The following GLRA2 variants were observed in gnomAD, a reference collection of about 807,000 sequenced individuals.
GLRA2 encodes the protein glycine receptor alpha 2.
In GLRA2, 11 loss-of-function variants were observed where a neutral mutation model predicts 31.6. The observed-to-expected ratio is 0.35, with a 90% CI of 0.22 to 0.58. GLRA2 has a LOEUF of 0.58. Ranked by LOEUF, GLRA2 falls within the 20% of genes least tolerant of loss-of-function variation. The pLI is 0.84. For synonymous variants in GLRA2, 132 were observed against 134.0 expected, an observed-to-expected ratio of 0.99 and a Z score of 0.10; for missense variants, 212 against 351.8, an observed-to-expected ratio of 0.60 and a Z score of 3.18.
At chrX:14,608,202 A>G (rs1309574021) in intron 6 of GLRA2, among the ~76,000 whole-genome samples, 2 of 111,604 alleles carry the variant, frequency 1.8e-5, no homozygotes, top group Non-Finnish European at 3.8e-5. Flanking sequence ...TACCTTCTGG[A>G]GTTCTAACTC....
the GLRA2 span, among the ~76,000 whole-genome samples, chrX:14,478,327 G>A: frequency 3.6e-5 from 4 of 111,629 alleles, no homozygotes; most frequent in Admixed American, 9.5e-5. Context: ...CAAAGGAGTC[G>A]TAAGTAGAAG....
At chrX:14,609,422 T>C (rs2090374522) in intron 7 of GLRA2, among the ~76,000 whole-genome samples, 1 of 110,646 alleles carries the variant, frequency 9.0e-6, no homozygotes, top group Non-Finnish European at 1.9e-5. Flanking sequence ...AAATTAGTAT[T>C]GAGAGGGAAG....
At chrX:14,467,116 A>G in the GLRA2 span, among the ~76,000 whole-genome samples, 1 of 112,540 alleles carries the variant, frequency 8.9e-6, no homozygotes, top group East Asian at 2.8e-4. Flanking sequence ...GTTCCCTTTG[A>G]AACATTTCAG....
At chrX:14,699,564 C>G (rs773759627) in intron 8 of GLRA2, among the ~76,000 whole-genome samples, 1 of 112,127 alleles carries the variant, frequency 8.9e-6, no homozygotes, top group African/African-American at 3.2e-5. Context: ...TCATATGAAA[C>G]ACTTATTTCT....
chrX:14,487,387 T>TAAAAA, the GLRA2 span, among the ~76,000 whole-genome samples: 8 of 27,924 alleles, frequency 2.9e-4, no homozygotes, highest in African/African-American at 1.0e-3. Flanking sequence ...TGGTTTTCTG[T>TAAAAA]AAAAAAAAAA....
the GLRA2 span, among the ~76,000 whole-genome samples, chrX:14,469,461 A>G: frequency 9.2e-6 from 1 of 108,543 alleles, no homozygotes. Flanking sequence ...TCCAACAATG[A>G]TAGACTGGAT....
chrX:14,451,644 CAAA>C, the GLRA2 span, among the ~76,000 whole-genome samples: 6 of 40,006 alleles, frequency 1.5e-4, no homozygotes, highest in Admixed American at 3.6e-4. Flanking sequence ...ACTCTGTCTC[CAAA>C]AAAAAAAAAA....
chrX:14,681,319 A>G (rs911513896), intron 7 of GLRA2, among the ~76,000 whole-genome samples: 1 of 111,959 alleles, frequency 8.9e-6, no homozygotes, highest in Admixed American at 9.5e-5. Context: ...AAAGATGCAA[A>G]AATAGCTAGA....
chrX:14,531,230 T>A (rs1036789559), intron 1 of GLRA2: 1 of 695,996 alleles, frequency 1.4e-6, no homozygotes, highest in Non-Finnish European at 2.0e-6. Flanking sequence ...AAAATATTTA[T>A]ATCATCTTTG....
chrX:14,551,606 C>T (rs1162155294), intron 2 of GLRA2, among the ~76,000 whole-genome samples: 7 of 111,527 alleles, frequency 6.3e-5, no homozygotes, highest in African/African-American at 2.3e-4. Flanking sequence ...CTTTTTTTTA[C>T]ATCTTTGAGT....
intron 2 of GLRA2, among the ~76,000 whole-genome samples, chrX:14,540,873 G>T (rs2089392446): frequency 9.2e-6 from 1 of 108,477 alleles, no homozygotes; most frequent in Middle Eastern, 4.3e-3. Context: ...ACTGGGGAGG[G>T]TGCAAGGTGG....
intron 8 of GLRA2, among the ~76,000 whole-genome samples, chrX:14,725,132 G>C (rs2091915175): frequency 8.9e-6 from 1 of 111,850 alleles, no homozygotes; most frequent in African/African-American, 3.3e-5. Flanking sequence ...AGAAATATGT[G>C]ACTTGAAAGA....
chrX:14,501,491 G>A, the GLRA2 span, among the ~76,000 whole-genome samples: 6 of 111,307 alleles, frequency 5.4e-5, no homozygotes, highest in Non-Finnish European at 7.5e-5. Context: ...TTGTACTTCT[G>A]TGATTTGGCA....
chrX:14,520,868 C>T, the GLRA2 span, among the ~76,000 whole-genome samples: 1 of 112,845 alleles, frequency 8.9e-6, no homozygotes, highest in African/African-American at 3.2e-5. Flanking sequence ...TTCATCAGTA[C>T]CAATGCTTGT....
At chrX:14,685,649 G>T (rs1326039850) in intron 7 of GLRA2, among the ~76,000 whole-genome samples, 4 of 111,546 alleles carry the variant, frequency 3.6e-5, no homozygotes, top group African/African-American at 1.3e-4. Flanking sequence ...ATTTCTGTGG[G>T]ATCGGTGGTG....
At chrX:14,505,758 A>G in the GLRA2 span, among the ~76,000 whole-genome samples, 1 of 111,781 alleles carries the variant, frequency 8.9e-6, no homozygotes, top group African/African-American at 3.3e-5. Flanking sequence ...CCCAGAAATG[A>G]ATATAAAAAC....
the GLRA2 span, among the ~76,000 whole-genome samples, chrX:14,519,231 G>A: frequency 9.0e-6 from 1 of 110,611 alleles, no homozygotes; most frequent in African/African-American, 3.3e-5. Context: ...AATTAGTGGT[G>A]AACTTAATCA....
chrX:14,624,346 C>T (rs1458225091), intron 7 of GLRA2, among the ~76,000 whole-genome samples: 2 of 111,305 alleles, frequency 1.8e-5, no homozygotes, highest in Non-Finnish European at 3.8e-5. Flanking sequence ...GTGTCTCTAT[C>T]TCCTTCAGTT....
At chrX:14,493,511 A>ATT in the GLRA2 span, among the ~76,000 whole-genome samples, 1 of 105,378 alleles carries the variant, frequency 9.5e-6, no homozygotes, top group African/African-American at 3.4e-5. Context: ...GAACATATAT[A>ATT]TATATATACA....
Sources: allele counts gnomAD v4.1 joint callset (sites outside exome capture counted in the v4.1 genomes callset), GRCh38; gene constraint gnomAD v4.1.1; transcripts MANE v1.5; gene names NCBI Gene and HGNC (gene_info 2026-07-23, HGNC 2026-07-21).